The following SGTB variants were observed in gnomAD, a reference collection of about 807,000 sequenced individuals.
SGTB encodes the protein small glutamine-rich tetratricopeptide repeat-containing protein beta.
A neutral mutation model predicts 43.9 loss-of-function variants in SGTB; 19 were observed. The ratio of observed to expected loss-of-function variants is 0.43; its 90% CI spans 0.30 to 0.63. The LOEUF is 0.63. Ranked by LOEUF, SGTB falls within the 30% of genes least tolerant of loss-of-function variation. SGTB has a pLI of 0.12. For missense variants in SGTB, 304 were observed against 358.9 expected, an observed-to-expected ratio of 0.85 and a Z score of 1.24; for synonymous variants, 116 against 117.3, an observed-to-expected ratio of 0.99 and a Z score of 0.07.
At chr5:65,722,852 ATGAAACCTCTTTGG>A (rs1758349893), upstream of SGTB, 9 of 161,024 alleles carry the variant, frequency 5.6e-5, no homozygotes, top group South Asian at 1.6e-3. Context: ...TCCACCCGAG[ATGAAACCTCTTTGG>A]TGGTGTTGCT....
chr5:65,671,369 C>T (rs1057026382), intron 10 of SGTB, among the ~76,000 whole-genome samples: 2 of 152,126 alleles, frequency 1.3e-5, no homozygotes, highest in African/African-American at 4.8e-5. Context: ...AGTATTGATA[C>T]CCCCACTTAA....
At chr5:65,713,462 T>C (rs1167602668) in intron 2 of SGTB, among the ~76,000 whole-genome samples, 2 of 152,038 alleles carry the variant, frequency 1.3e-5, no homozygotes, top group Admixed American at 6.6e-5. Context: ...ATTGAGACTA[T>C]AGGCATGAGC....
chr5:65,690,721 A>C (rs2150711335), intron 5 of SGTB, among the ~76,000 whole-genome samples: 1 of 152,340 alleles, frequency 6.6e-6, no homozygotes, highest in South Asian at 2.1e-4. Flanking sequence ...AAACGTACAA[A>C]GTTCAGAAGT....
rs1484921061 is a variant in SGTB, at chr5:65,668,605, G to A, written c.*1641C>T. 1 of 152,190 alleles carries A rather than the reference G, an allele frequency of 6.6e-6. No individual in the cohort carries two copies. The highest frequency in any genetic ancestry group is 2.4e-5 in the African/African-American group (1 of 41,422). 9.4% of individuals were successfully genotyped at this position (152,190 alleles called of 1,614,324 possible). On this transcript the variant is annotated 3_prime_UTR_variant, in exon 11 of 11. Transcript: ENST00000381007. The stretch of plus-strand genomic sequence containing the variant: ...AAAATACAAAAATTAGCTGGGCATG[G>A]TGACACGTGCCTGTAATCCCAGCTA...
chr5:65,719,931 T>C (rs1758225729), intron 2 of SGTB, among the ~76,000 whole-genome samples: 1 of 152,146 alleles, frequency 6.6e-6, no homozygotes, highest in African/African-American at 2.4e-5. Context: ...ATGACTCAGG[T>C]ATTTTTATAT....
chr5:65,676,002 T>A (rs1458152525), intron 8 of SGTB, among the ~76,000 whole-genome samples: 1 of 152,036 alleles, frequency 6.6e-6, no homozygotes, highest in African/African-American at 2.4e-5. Flanking sequence ...TAACCTTAAA[T>A]GTAAATGGGC....
At chr5:65,716,937 G>A (rs1033560681) in intron 2 of SGTB, among the ~76,000 whole-genome samples, 3 of 151,278 alleles carry the variant, frequency 2.0e-5, no homozygotes, top group African/African-American at 7.3e-5. Flanking sequence ...CCAGGTCAGG[G>A]AAAAGAAGAG....
chr5:65,714,687 C>A (rs999675970), intron 2 of SGTB, among the ~76,000 whole-genome samples: 1 of 152,122 alleles, frequency 6.6e-6, no homozygotes, highest in African/African-American at 2.4e-5. Context: ...TGATTGCATG[C>A]CCCTGTAATC....
chr5:65,690,422 A>G (rs1438794306), intron 5 of SGTB, among the ~76,000 whole-genome samples: 1 of 152,180 alleles, frequency 6.6e-6, no homozygotes, highest in African/African-American at 2.4e-5. Flanking sequence ...CTGGGTTACA[A>G]AGCAAGAGTC....
At chr5:65,705,195 C>G (rs937341109) in intron 4 of SGTB, among the ~76,000 whole-genome samples, 9 of 152,126 alleles carry the variant, frequency 5.9e-5, no homozygotes, top group Non-Finnish European at 1.5e-5. Flanking sequence ...GTAATCCCAA[C>G]ACTTTGGGAA....
At chr5:65,715,801 G>A (rs1409188381) in intron 2 of SGTB, among the ~76,000 whole-genome samples, 3 of 152,136 alleles carry the variant, frequency 2.0e-5, no homozygotes, top group East Asian at 1.9e-4. Context: ...ACGGAGTCTC[G>A]CTCTATTGCC....
At chr5:65,679,425 T>C (rs1378156163) in intron 8 of SGTB, among the ~76,000 whole-genome samples, 1 of 152,178 alleles carries the variant, frequency 6.6e-6, no homozygotes, top group Admixed American at 6.5e-5. Flanking sequence ...TTGACTAGCC[T>C]GGTCAGCATG....
At chr5:65,692,785 T>C (rs1757637257) in intron 5 of SGTB, among the ~76,000 whole-genome samples, 1 of 152,222 alleles carries the variant, frequency 6.6e-6, no homozygotes, top group Admixed American at 6.5e-5. Flanking sequence ...GTAAATGGTA[T>C]GATAGTTATA....
chr5:65,709,053 T>A (rs891793975), intron 3 of SGTB, among the ~76,000 whole-genome samples: 1 of 146,354 alleles, frequency 6.8e-6, no homozygotes, highest in African/African-American at 2.5e-5. Context: ...AAAAAAAAAA[T>A]AAGAATATGA....
intron 6 of SGTB, among the ~76,000 whole-genome samples, chr5:65,681,016 T>C (rs778292175): frequency 5.3e-5 from 8 of 152,164 alleles, no homozygotes; most frequent in African/African-American, 1.4e-4. Context: ...GGTTGTCCTA[T>C]AGATCATGAA....
intron 2 of SGTB, among the ~76,000 whole-genome samples, chr5:65,717,762 A>T (rs1357182082): frequency 6.6e-6 from 1 of 152,208 alleles, no homozygotes; most frequent in African/African-American, 2.4e-5. Context: ...TGACAGCATT[A>T]AAGGTCTACT....
In SGTB at chr5:65,721,910, C is replaced by T. The variant is rs371212546; in HGVS notation, c.-23+7G>A. On this transcript the variant is annotated splice_region_variant and intron_variant, in intron 1 of 10. Transcript: ENST00000381007. ...AGGCGCACCCTTGCCAGACAGAAGC[C>T]CCTTACCAAGCAGGAGGACGCGAGA... 4 of 152,218 alleles carry T rather than the reference C, an allele frequency of 2.6e-5. No homozygotes were observed. Among genetic ancestry groups the T allele is most frequent in the East Asian group, 2.0e-4 (1 of 5,128 alleles). The allele number at this position is 152,218 out of a possible 1,614,324, so 9.4% of individuals were successfully genotyped here. A position where few individuals can be genotyped will look rare whatever the true frequency, so the allele number is the denominator to read the frequency against.
At chr5:65,690,275 C>T (rs191108191) in intron 5 of SGTB, among the ~76,000 whole-genome samples, 12 of 152,052 alleles carry the variant, frequency 7.9e-5, no homozygotes, top group Middle Eastern at 3.4e-3. Context: ...CCTGTGTCTA[C>T]GAAAAATTTA....
At chr5:65,701,478 A>C (rs1185205618) in intron 5 of SGTB, among the ~76,000 whole-genome samples, 1 of 152,142 alleles carries the variant, frequency 6.6e-6, no homozygotes, top group Non-Finnish European at 1.5e-5. Context: ...TCAAAGGAAA[A>C]GAAAAATTGG....
Sources: allele counts gnomAD v4.1 joint callset (sites outside exome capture counted in the v4.1 genomes callset), GRCh38; gene constraint gnomAD v4.1.1; transcripts MANE v1.5; gene names NCBI Gene and HGNC (gene_info 2026-07-23, HGNC 2026-07-21).